Variants in PTPRG observed in about 807,000 individuals in gnomAD.
PTPRG encodes receptor-type tyrosine-protein phosphatase gamma.
In PTPRG, 102 loss-of-function variants were observed where a neutral mutation model predicts 165.3. The ratio of observed to expected loss-of-function variants is 0.62; its 90% confidence interval spans 0.53 to 0.73. The LOEUF is 0.73. PTPRG is among the 30% of genes least tolerant of loss of function. The pLI is 0.00. For synonymous variants in PTPRG, 675 were observed against 669.5 expected, an observed-to-expected ratio of 1.01 and a Z score of -0.13; for missense variants, 1,866 against 1,861.4, an observed-to-expected ratio of 1.00 and a Z score of -0.05.
intron 2 of PTPRG, among the ~76,000 whole-genome samples, chr3:61,926,801 G>T (rs2039225192): frequency 6.6e-6 from 1 of 151,784 alleles, no homozygotes; most frequent in South Asian, 2.1e-4. Flanking sequence ...TGTTCATAGT[G>T]GACCATAATT....
intron 2 of PTPRG, among the ~76,000 whole-genome samples, chr3:61,948,423 G>A (rs931767139): frequency 6.6e-6 from 1 of 152,166 alleles, no homozygotes; most frequent in Non-Finnish European, 1.5e-5. Context: ...GCTATGGCCA[G>A]GCATTGTTCT....
intron 28 of PTPRG, among the ~76,000 whole-genome samples, chr3:62,290,242 G>GTTCATGAAGAGAAAAACTCAAGA (rs1702832702): frequency 1.3e-5 from 2 of 152,222 alleles, no homozygotes; most frequent in Admixed American, 6.5e-5. Context: ...AAGACATTGT[G>GTTCATGAAGAGAAAAACTCAAGA]TTCATGAAGA....
chr3:61,980,258 T>G (rs1409918955), intron 2 of PTPRG, among the ~76,000 whole-genome samples: 1 of 152,204 alleles, frequency 6.6e-6, no homozygotes, highest in Non-Finnish European at 1.5e-5. Flanking sequence ...TCAGCAAGTC[T>G]TTCCCACATG....
At chr3:61,672,208 C>T (rs1407539847) in intron 1 of PTPRG, among the ~76,000 whole-genome samples, 7 of 129,822 alleles carry the variant, frequency 5.4e-5, no homozygotes, top group South Asian at 2.9e-4. Context: ...GGATGGCGGC[C>T]GGGCAGAGAC....
chr3:62,040,176 G>A (rs1700079383), intron 4 of PTPRG, among the ~76,000 whole-genome samples: 1 of 152,142 alleles, frequency 6.6e-6, no homozygotes, highest in Non-Finnish European at 1.5e-5. Context: ...TAAGAAGAAA[G>A]CATTTTCATT....
At chr3:62,155,101 G>A (rs528542374) in intron 6 of PTPRG, among the ~76,000 whole-genome samples, 55 of 152,288 alleles carry the variant, frequency 3.6e-4, no homozygotes, top group African/African-American at 1.2e-3. Context: ...GGGCAATTCC[G>A]TTATTTCTAG....
chr3:62,109,932 G>C (rs1055374957), intron 5 of PTPRG, among the ~76,000 whole-genome samples: 1 of 152,000 alleles, frequency 6.6e-6, no homozygotes, highest in African/African-American at 2.4e-5. Flanking sequence ...ACCATCACCA[G>C]CACACCCTCT....
chr3:61,602,138 C>T (rs1171885207), intron 1 of PTPRG, among the ~76,000 whole-genome samples: 4 of 151,522 alleles, frequency 2.6e-5, no homozygotes, highest in Non-Finnish European at 5.9e-5. Context: ...GGCTTCTGTT[C>T]AGGCCTTCCT....
chr3:62,250,197 A>G (rs906350934), intron 15 of PTPRG, among the ~76,000 whole-genome samples: 1 of 152,212 alleles, frequency 6.6e-6, no homozygotes, highest in African/African-American at 2.4e-5. Context: ...ATAACACTCT[A>G]TGAATTAAGT....
chr3:61,600,987 G>T (rs1700849633), intron 1 of PTPRG, among the ~76,000 whole-genome samples: 1 of 152,208 alleles, frequency 6.6e-6, no homozygotes, highest in South Asian at 2.1e-4. Context: ...AGATGTGGTG[G>T]CTCACGCCTG....
chr3:61,681,469 C>G (rs1703438924), intron 1 of PTPRG, among the ~76,000 whole-genome samples: 1 of 152,222 alleles, frequency 6.6e-6, no homozygotes, highest in African/African-American at 2.4e-5. Flanking sequence ...ATCTCGTAAT[C>G]TATTCATGTC....
intron 2 of PTPRG, among the ~76,000 whole-genome samples, chr3:61,765,413 G>T (rs1419586792): frequency 1.3e-5 from 2 of 152,106 alleles, no homozygotes; most frequent in Non-Finnish European, 2.9e-5. Flanking sequence ...GAGGTCTCTT[G>T]TGACTATGCC....
At chr3:61,927,197 A>G (rs1474323802) in intron 2 of PTPRG, among the ~76,000 whole-genome samples, 1 of 152,066 alleles carries the variant, frequency 6.6e-6, no homozygotes, top group Admixed American at 6.6e-5. Context: ...AAGCATAAAG[A>G]ACTTTTTTTT....
At chr3:62,171,842 T>G (rs1460404120) in intron 8 of PTPRG, among the ~76,000 whole-genome samples, 2 of 152,160 alleles carry the variant, frequency 1.3e-5, no homozygotes, top group Non-Finnish European at 2.9e-5. Context: ...TGGAACATTT[T>G]CATCACCCCA....
intron 3 of PTPRG, among the ~76,000 whole-genome samples, chr3:61,998,404 T>C (rs1240915767): frequency 1.3e-5 from 2 of 152,240 alleles, no homozygotes; most frequent in Non-Finnish European, 2.9e-5. Context: ...GAATTGCTGC[T>C]GTGAGCATTC....
At chr3:61,749,147 T>TA (rs1447180213) in intron 2 of PTPRG, 165 bp downstream of exon 2, 3 of 710,916 alleles carry the variant, frequency 4.2e-6, no homozygotes, top group African/African-American at 3.5e-5. Context: ...CTCAAGGTTA[T>TA]AAGCACCTTA....
intron 2 of PTPRG, among the ~76,000 whole-genome samples, chr3:61,845,585 A>T (rs1418048256): frequency 6.6e-6 from 1 of 152,166 alleles, no homozygotes; most frequent in Non-Finnish European, 1.5e-5. Flanking sequence ...TAAACCTCTC[A>T]CCAGAAATGT....
intron 2 of PTPRG, among the ~76,000 whole-genome samples, chr3:61,837,317 G>A (rs1028667223): frequency 1.3e-5 from 2 of 152,150 alleles, no homozygotes; most frequent in Non-Finnish European, 2.9e-5. Flanking sequence ...CAAAGTGCTG[G>A]GATTCACAGG....
chr3:61,755,802 C>T (rs1439417560), intron 2 of PTPRG, among the ~76,000 whole-genome samples: 3 of 152,104 alleles, frequency 2.0e-5, no homozygotes, highest in Non-Finnish European at 4.4e-5. Flanking sequence ...CTATGGACAG[C>T]CTTATGATAT....
Sources: gnomAD v4.1 joint callset for allele counts (sites outside exome capture counted in the v4.1 genomes callset) on GRCh38, gnomAD v4.1.1 for gene constraint, MANE v1.5 for transcripts, NCBI Gene and HGNC (gene_info 2026-07-23, HGNC 2026-07-21) for gene names.